Variants in CLMP observed in about 807,000 individuals in gnomAD.
CLMP encodes the protein CXADR-like membrane protein.
CLMP carries 27 observed loss-of-function variants against 45.2 expected under a neutral mutation model. The ratio of observed to expected loss-of-function variants is 0.60; its 90% CI spans 0.44 to 0.82. The LOEUF is 0.82. CLMP is among the 40% of genes least tolerant of loss of function. CLMP has a pLI of 0.00. For missense variants in CLMP, 403 were observed against 448.4 expected, an observed-to-expected ratio of 0.90 and a Z score of 0.91; for synonymous variants, 167 against 171.4, an observed-to-expected ratio of 0.97 and a Z score of 0.20.
rs1480261986 is a variant in CLMP at position 123,072,102 on chromosome 11, T to TA, written c.*1371dup. ...CTTCTGGATGCTGAGCCTGGGAAAA[T>TA]ACTGAATTTCTCTCATTTTTCACTT... On this transcript the variant is annotated 3_prime_UTR_variant, in exon 7 of 7. Coordinates refer to ENST00000448775, the MANE Select transcript of CLMP (RefSeq NM_024769.5). 1 of 152,176 alleles carries TA rather than the reference T, an allele frequency of 6.6e-6. No individual in the cohort carries two copies. Among genetic ancestry groups the TA allele is most frequent in the Non-Finnish European group, 1.5e-5 (1 of 68,040 alleles). The allele number at this position is 152,176 out of a possible 1,614,324, so 9.4% of individuals were successfully genotyped here.
chr11:123,147,925 A>G (rs1043527844), intron 1 of CLMP, among the ~76,000 whole-genome samples: 1 of 149,326 alleles, frequency 6.7e-6, no homozygotes, highest in Admixed American at 6.7e-5. Context: ...AGACCCTCCC[A>G]CCTTGGCCTC....
At chr11:123,118,667 C>A (rs146507646) in intron 1 of CLMP, among the ~76,000 whole-genome samples, 2 of 152,126 alleles carry the variant, frequency 1.3e-5, no homozygotes, top group Admixed American at 6.5e-5. Context: ...ATAGACCTGG[C>A]ATTGCAATTT....
intron 1 of CLMP, among the ~76,000 whole-genome samples, chr11:123,175,436 G>A (rs1022345818): frequency 6.6e-5 from 10 of 150,474 alleles, no homozygotes; most frequent in African/African-American, 2.5e-4. Flanking sequence ...CCCTCAACAT[G>A]TGGGGATTAC....
At chr11:123,183,897 G>A (rs1412705515) in intron 1 of CLMP, among the ~76,000 whole-genome samples, 1 of 152,092 alleles carries the variant, frequency 6.6e-6, no homozygotes, top group Non-Finnish European at 1.5e-5. Context: ...GCAGTAGGAT[G>A]AGTAATGATT....
At chr11:123,116,026 T>G (rs1860714619) in intron 1 of CLMP, among the ~76,000 whole-genome samples, 1 of 151,954 alleles carries the variant, frequency 6.6e-6, no homozygotes, top group Non-Finnish European at 1.5e-5. Flanking sequence ...GTTAGCAGCT[T>G]TCAATCCTCA....
In CLMP at chr11:123,083,103, C is replaced by A. The variant is rs768081072; in HGVS notation, c.661G>T (p.Val221Leu). ...GNEAGKESCVVRVTVQYVQSI... is the reference protein window; with the variant it reads ...GNEAGKESCVLRVTVQYVQSI... ...TGCTTACACTGTACAGTTACTCGCA[C>A]CACACAGCTTTCCTTCCCAGCTTCG... The change falls in exon 5 of 7, where the codon GTG (valine) becomes TTG (leucine). Residue 221 changes from valine to leucine, a missense_variant. By Grantham distance (32) the Val-to-Leu change is conservative. Transcript: ENST00000448775. 27 of 1,614,058 alleles carry A rather than the reference C, an allele frequency of 1.7e-5. No homozygotes were observed. The highest frequency in any genetic ancestry group is 2.1e-5 in the Non-Finnish European group (25 of 1,180,036).
chr11:123,089,503 T>C (rs527425870), intron 2 of CLMP, among the ~76,000 whole-genome samples: 39 of 152,238 alleles, frequency 2.6e-4, no homozygotes, highest in East Asian at 1.4e-3. Context: ...CAGTGGCTCA[T>C]GCCTGTAATC....
intron 1 of CLMP, among the ~76,000 whole-genome samples, chr11:123,172,532 A>G (rs540956472): frequency 1.3e-5 from 2 of 152,264 alleles, no homozygotes; most frequent in East Asian, 3.9e-4. Flanking sequence ...TCCAGGCTGT[A>G]GTGCAATGGC....
chr11:123,101,589 G>A (rs1057420120), intron 1 of CLMP, among the ~76,000 whole-genome samples: 1 of 152,190 alleles, frequency 6.6e-6, no homozygotes, highest in Non-Finnish European at 1.5e-5. Context: ...AGACTGCTGG[G>A]GAGGAGCCCT....
intron 5 of CLMP, among the ~76,000 whole-genome samples, chr11:123,080,059 G>A (rs1166393389): frequency 2.0e-5 from 3 of 152,188 alleles, no homozygotes; most frequent in African/African-American, 7.2e-5. Context: ...CATGGCTGTT[G>A]GCTGGAGGCC....
chr11:123,189,382 A>G (rs1270049064), intron 1 of CLMP, among the ~76,000 whole-genome samples: 1 of 152,184 alleles, frequency 6.6e-6, no homozygotes, highest in Non-Finnish European at 1.5e-5. Flanking sequence ...TATTCTAGAG[A>G]AAGAAGCTCA....
In CLMP at chr11:123,083,719, CTT is replaced by C; in HGVS notation, c.515_516del (p.Lys172ArgfsTer5). 6.2e-7 allele frequency: 1 copy of C among 1,614,086 alleles called. No homozygotes were observed. On this transcript the variant is annotated frameshift_variant, in exon 4 of 7. Coordinates refer to ENST00000448775, the MANE Select transcript of CLMP (RefSeq NM_024769.5). LOFTEE classifies it high-confidence loss of function. ...IVYYWQRIREKEGEDERLPPK... is the reference protein window; with the variant it reads ...IVYYWQRIREXEGEDERLPPK... Reference sequence around the variant, plus strand: ...GGAGGCAGACGTTCATCCTCTCCCTCTTTCTCTCGGATTCGCTGCCAGTAATA... The same window carrying C: ...GGAGGCAGACGTTCATCCTCTCCCTCTCTCTCGGATTCGCTGCCAGTAATA...
intron 1 of CLMP, among the ~76,000 whole-genome samples, chr11:123,131,302 A>T (rs1271866766): frequency 6.6e-6 from 1 of 152,156 alleles, no homozygotes; most frequent in East Asian, 1.9e-4. Flanking sequence ...ATTGAGAAAT[A>T]TTTCCTGGTA....
intron 1 of CLMP, among the ~76,000 whole-genome samples, chr11:123,152,523 A>AAAATAAATAAATAAAT (rs59307398): frequency 4.2e-5 from 6 of 142,742 alleles, no homozygotes; most frequent in Non-Finnish European, 7.5e-5. Flanking sequence ...ACTCCATCTC[A>AAAATAAATAAATAAAT]AAATAAATAA....
At chr11:123,130,292 A>T (rs1056839556) in intron 1 of CLMP, among the ~76,000 whole-genome samples, 3 of 152,158 alleles carry the variant, frequency 2.0e-5, no homozygotes, top group Admixed American at 2.0e-4. Flanking sequence ...GTGGATGAAG[A>T]TCACTTCCCA....
At chr11:123,111,251 C>T (rs959301307) in intron 1 of CLMP, among the ~76,000 whole-genome samples, 2 of 152,018 alleles carry the variant, frequency 1.3e-5, no homozygotes, top group Non-Finnish European at 1.5e-5. Context: ...GTGCCTCAGC[C>T]TTCCAAGTAG....
intron 1 of CLMP, among the ~76,000 whole-genome samples, chr11:123,129,127 G>A (rs1230283393): frequency 6.6e-6 from 1 of 151,926 alleles, no homozygotes; most frequent in Admixed American, 6.6e-5. Context: ...TGGAGACCAC[G>A]CTGGCCAACA....
chr11:123,161,695 T>C (rs1393413986), intron 1 of CLMP, among the ~76,000 whole-genome samples: 1 of 151,854 alleles, frequency 6.6e-6, no homozygotes, highest in Non-Finnish European at 1.5e-5. Flanking sequence ...AATAAATAAA[T>C]AAACAAACAA....
chr11:123,139,810 C>T (rs540985393), intron 1 of CLMP, among the ~76,000 whole-genome samples: 5 of 149,722 alleles, frequency 3.3e-5, no homozygotes, highest in Middle Eastern at 3.4e-3. Context: ...AGCGAGACAC[C>T]GTCTCGAAAT....
Sources: gnomAD v4.1 joint callset for allele counts (sites outside exome capture counted in the v4.1 genomes callset) on GRCh38, gnomAD v4.1.1 for gene constraint, MANE v1.5 for transcripts, NCBI Gene and HGNC (gene_info 2026-07-23, HGNC 2026-07-21) for gene names.